SMPD4: variants seen among roughly 807,000 people sequenced by gnomAD.
SMPD4 encodes the protein neutral sphingomyelinase 3.
Under a neutral mutation model 97.8 loss-of-function variants are expected in SMPD4, and 58 were observed. The ratio of observed to expected loss-of-function variants is 0.59; its 90% CI spans 0.48 to 0.74. The LOEUF (loss-of-function observed/expected upper bound fraction) is 0.74. SMPD4 is among the 30% of genes least tolerant of loss of function. SMPD4 has a pLI of 0.00. For missense variants in SMPD4, 853 were observed against 1,080.5 expected (o/e 0.79, Z 2.95); for synonymous variants, 388 against 450.0 (o/e 0.86, Z 1.74).
Position 130,156,832 on chromosome 2 carries a change from A to T in SMPD4, c.1098-157T>A, listed in dbSNP as rs1206911409. 10 of 1,540,982 alleles carry T rather than the reference A, an allele frequency of 6.5e-6. No individual in the cohort carries two copies. In the South Asian group the frequency reaches 1.2e-4, roughly 19 times the overall value. On this transcript the variant is annotated intron_variant, in intron 12 of 19. Transcript: ENST00000680298. Reference sequence around the variant, plus strand: ...CCCCATTCTTCAGAGGAAGAAATCAAGGTTCAGAGAGGTTAGGGAACATCC... The same window carrying T: ...CCCCATTCTTCAGAGGAAGAAATCATGGTTCAGAGAGGTTAGGGAACATCC...
chr2:130,170,458 C>CAGAAAAAAAAAAAAA (rs1688340877), intron 8 of SMPD4, among the ~76,000 whole-genome samples: 1 of 64,676 alleles, frequency 1.5e-5, no homozygotes, highest in East Asian at 4.9e-4. Context: ...AAGACCCTGT[C>CAGAAAAAAAAAAAAA]AAAAAAAAAA....
intron 15 of SMPD4, 80 bp from the exon 16 acceptor site, chr2:130,154,562 C>G: frequency 6.5e-7 from 1 of 1,542,990 alleles, no homozygotes. Flanking sequence ...TCTGGGGTGT[C>G]TCTGAGGTGT....
At position 130,156,130 on chromosome 2, in the gene SMPD4, C is replaced by A; in HGVS notation, c.1194G>T (p.Leu398=). 6.2e-7 allele frequency: 1 copy of A among 1,610,124 alleles called. No homozygotes were observed. The part of the protein sequence containing the change: ...WPLDASFRAV[L]EMWLSYLQPW... ...GCTGCAGGTAGCTCAGCCACATCTC[C>A]AGGACCTGTGGGGGAGGTGTGTGCT... Residue 398 remains leucine, a synonymous_variant, in exon 14 of 20, where the codon CTG becomes CTT. Transcript: ENST00000680298.
At chr2:130,174,127 C>T (rs1688751603) in intron 3 of SMPD4, among the ~76,000 whole-genome samples, 1 of 152,162 alleles carries the variant, frequency 6.6e-6, no homozygotes, top group Non-Finnish European at 1.5e-5. Flanking sequence ...CTCGAGCAAT[C>T]CCCCCACCTC....
At chr2:130,181,108 C>G (rs891772525) in intron 1 of SMPD4, among the ~76,000 whole-genome samples, 24 of 152,332 alleles carry the variant, frequency 1.6e-4, no homozygotes, top group African/African-American at 5.3e-4. Flanking sequence ...AACTCTCCTG[C>G]CAATTGGGCT....
In SMPD4 at chr2:130,155,992, T is replaced by C. The variant is rs1327813586; in HGVS notation, c.1289+43A>G. ...TCCACCCACTGGAACAATATCCACC[T>C]GGGGGAGCCAGTGGCATGTCTGTGA... is the stretch of plus-strand genomic sequence containing the variant. On this transcript the variant is annotated intron_variant, in intron 14 of 19. Transcript: ENST00000680298. 3 of 1,586,258 alleles carry C rather than the reference T, an allele frequency of 1.9e-6. No individual in the cohort carries two copies. In the South Asian group the frequency reaches 3.3e-5, roughly 18 times the overall value.
chr2:130,158,971 T>G (rs111586530), intron 11 of SMPD4, among the ~76,000 whole-genome samples: 1 of 152,186 alleles, frequency 6.6e-6, no homozygotes, highest in Non-Finnish European at 1.5e-5. Flanking sequence ...GATAAGTGGC[T>G]GAGTCTGAAG....
rs1686670440 is a variant in SMPD4 at position 130,155,318 on chromosome 2, C to A, written c.1290-59G>T. The A allele has an allele frequency of 1.9e-6, 3 of 1,600,964 alleles. No homozygotes were observed. In the South Asian group the frequency reaches 3.4e-5, roughly 18 times the overall value. Reference sequence around the variant, plus strand: ...TCCAACTGGAAGCATGCCCCTAATGCCCGGTCCGTGCCCCTAATGCCCTTG... The same window carrying A: ...TCCAACTGGAAGCATGCCCCTAATGACCGGTCCGTGCCCCTAATGCCCTTG... On this transcript the variant is annotated intron_variant, in intron 14 of 19. Coordinates refer to ENST00000680298, the MANE Select transcript of SMPD4 (RefSeq NM_017951.5).
At chr2:130,155,774 G>A (rs1467064610) in intron 14 of SMPD4, among the ~76,000 whole-genome samples, 1 of 152,130 alleles carries the variant, frequency 6.6e-6, no homozygotes, top group Admixed American at 6.5e-5. Context: ...ACACTCATCT[G>A]GGACAGAAGG....
intron 15 of SMPD4, 64 bp from the exon 16 acceptor site, chr2:130,154,546 T>C (rs762815548): frequency 2.1e-5 from 33 of 1,548,874 alleles, no homozygotes; most frequent in Non-Finnish European, 2.0e-5. Context: ...CTGCTGCCCT[T>C]AGGATTCTGG....
chr2:130,175,666 G>T (rs1688921496), intron 2 of SMPD4, among the ~76,000 whole-genome samples: 1 of 152,222 alleles, frequency 6.6e-6, no homozygotes, highest in South Asian at 2.1e-4. Context: ...GGGATGTGAG[G>T]AAAGCACCCT....
chr2:130,161,294 T>A, intron 10 of SMPD4, 22 bp from the exon 11 acceptor site: 1 of 1,608,748 alleles, frequency 6.2e-7, no homozygotes, highest in Non-Finnish European at 8.5e-7. Context: ...AACAGAGAGA[T>A]GCCGGAAGAG....
upstream of SMPD4, chr2:130,181,698 C>G (rs1689660284): frequency 1.9e-6 from 3 of 1,548,200 alleles, no homozygotes; most frequent in Non-Finnish European, 2.6e-6. Context: ...AAAGCGAAGG[C>G]CGGCCGGGCG....
rs1470274079 is a variant in SMPD4, at chr2:130,154,547, A to G, written c.1454-65T>C. 6.5e-6 allele frequency: 10 copies of G among 1,549,100 alleles called. No individual in the cohort carries two copies. The East Asian group carries it at 2.4e-4, about 38-fold the overall frequency. On this transcript the variant is annotated intron_variant, in intron 15 of 19. Coordinates refer to ENST00000680298, the MANE Select transcript of SMPD4 (RefSeq NM_017951.5). ...GGCAGAGTACCCGACTGCTGCCCTT[A>G]GGATTCTGGGGTGTCTCTGAGGTGT...
chr2:130,160,075 T>G (rs886421878), intron 11 of SMPD4, among the ~76,000 whole-genome samples: 1 of 152,136 alleles, frequency 6.6e-6, no homozygotes, highest in Admixed American at 6.5e-5. Context: ...CCTGCTTGCT[T>G]CTTAAGGATG....
At chr2:130,155,804 TGGG>T (rs1686725164) in intron 14 of SMPD4, among the ~76,000 whole-genome samples, 1 of 152,052 alleles carries the variant, frequency 6.6e-6, no homozygotes. Flanking sequence ...CAGGGCAGGA[TGGG>T]TCACCCACAG....
chr2:130,153,223 C>T (rs557572416), intron 18 of SMPD4, 52 bp from the exon 19 acceptor site: 2 of 1,613,258 alleles, frequency 1.2e-6, no homozygotes, highest in South Asian at 1.1e-5. Context: ...CCACACACAA[C>T]TCAGAGGAGC....
intron 12 of SMPD4, 117 bp from the exon 13 acceptor site, chr2:130,156,792 C>T (rs1446766092): frequency 1.3e-6 from 2 of 1,549,442 alleles, no homozygotes; most frequent in Admixed American, 3.9e-5. Flanking sequence ...CACTGGGCAC[C>T]TCCGGGAGGT....
chr2:130,166,436 C>A (rs1372425447), intron 9 of SMPD4, among the ~76,000 whole-genome samples: 2 of 151,992 alleles, frequency 1.3e-5, no homozygotes, highest in South Asian at 4.1e-4. Flanking sequence ...ACGGTCCACA[C>A]AGCCAAGAGC....
Sources: gnomAD v4.1 joint callset for allele counts (sites outside exome capture counted in the v4.1 genomes callset) on GRCh38, gnomAD v4.1.1 for gene constraint, MANE v1.5 for transcripts, NCBI Gene and HGNC (gene_info 2026-07-23, HGNC 2026-07-21) for gene names.